Variants in GALNT12 observed in about 807,000 individuals in gnomAD.
The protein encoded by GALNT12 is polypeptide N-acetylgalactosaminyltransferase 12, also known as UDP-GalNAc:polypeptide N-acetylgalactosaminyltransferase 12.
In GALNT12, 45 loss-of-function variants were observed where a neutral mutation model predicts 55.5. The ratio of observed to expected loss-of-function variants is 0.81; its 90% CI spans 0.64 to 1.04. The LOEUF (loss-of-function observed/expected upper bound fraction) is 1.04. Ranked by LOEUF, GALNT12 falls within the 50% of genes least tolerant of loss-of-function variation. The probability of loss-of-function intolerance (pLI) is 0.00; values close to 1 mark genes in which losing one functional copy is unlikely to be tolerated. For missense variants in GALNT12, 709 were observed against 754.8 expected (o/e 0.94, Z 0.71); for synonymous variants, 304 against 312.2 (o/e 0.97, Z 0.28).
In GALNT12 at chr9:98,826,854, G is replaced by A; in HGVS notation, c.644G>A (p.Gly215Glu). 6.2e-7 allele frequency: 1 copy of A among 1,607,074 alleles called. No individual in the cohort carries two copies. ...GGCCTGGTGCGAGCCCGGCTGCTGGGGGCGTCTGCGGCGAGGGGCGATGTT... is the reference window on the plus strand; with the variant it reads ...GGCCTGGTGCGAGCCCGGCTGCTGGAGGCGTCTGCGGCGAGGGGCGATGTT... The part of the protein sequence containing the change: ...REGLVRARLL[G>E]ASAARGDVLT... Residue 215 changes from glycine to glutamate, a missense_variant, in exon 3 of 10, where the codon GGG (glycine) becomes GAG (glutamate). By Grantham distance (98) the Gly-to-Glu change is moderately conservative (BLOSUM62 -2). Transcript: ENST00000375011.
At chr9:98,816,021 A>G (rs1366608608) in intron 1 of GALNT12, among the ~76,000 whole-genome samples, 1 of 152,242 alleles carries the variant, frequency 6.6e-6, no homozygotes, top group Non-Finnish European at 1.5e-5. Flanking sequence ...TGTTATTACC[A>G]GGTAAAGTAC....
chr9:98,827,155 G>A (rs377028025), intron 3 of GALNT12, among the ~76,000 whole-genome samples: 2 of 152,182 alleles, frequency 1.3e-5, no homozygotes, highest in African/African-American at 4.8e-5. Flanking sequence ...AGCTGGAGAA[G>A]GCCCTGTGTC....
chr9:98,843,889 A>G (rs1333670265), intron 7 of GALNT12, among the ~76,000 whole-genome samples: 1 of 152,214 alleles, frequency 6.6e-6, no homozygotes, highest in Non-Finnish European at 1.5e-5. Context: ...CAGGCTTATC[A>G]ACTTAAAATA....
At chr9:98,835,396 G>A (rs1836117598) in intron 5 of GALNT12, 30 bp downstream of exon 5, 5 of 1,307,244 alleles carry the variant, frequency 3.8e-6, no homozygotes, top group Non-Finnish European at 5.6e-6. Flanking sequence ...CTTTGGACAT[G>A]TTCTTAACTG....
chr9:98,826,620 G>A lies in GALNT12; in HGVS notation c.542-132G>A, dbSNP rs540516472. ...TGGGTGAGGTAAGGATGTCCCAGGT[G>A]GCAGAGCAAAGGAGGCTCCTGTCTA... On this transcript the variant is annotated intron_variant, in intron 2 of 9. Coordinates refer to ENST00000375011, the MANE Select transcript of GALNT12 (RefSeq NM_024642.5). 61 of 899,724 alleles carry A rather than the reference G, an allele frequency of 6.8e-5. No homozygotes were observed. The South Asian group carries it at 8.1e-4, about 12-fold the overall frequency. 55.7% of individuals were successfully genotyped at this position (899,724 alleles called of 1,614,324 possible). A position where few individuals can be genotyped will look rare whatever the true frequency, so the allele number is the denominator to read the frequency against.
chr9:98,837,208 G>A (rs1483165333), intron 6 of GALNT12, 60 bp downstream of exon 6: 10 of 1,535,922 alleles, frequency 6.5e-6, no homozygotes, highest in Middle Eastern at 3.4e-4. Context: ...GCAGCTAATC[G>A]TGGCTTCCCC....
At chr9:98,809,517 G>A (rs991394133) in intron 1 of GALNT12, among the ~76,000 whole-genome samples, 1 of 152,174 alleles carries the variant, frequency 6.6e-6, no homozygotes, top group Admixed American at 6.5e-5. Context: ...GTGATCTCTG[G>A]CAAGCTGCTT....
intron 8 of GALNT12, 110 bp from the exon 9 acceptor site, chr9:98,845,867 G>A (rs1180881220): frequency 4.3e-6 from 5 of 1,156,402 alleles, no homozygotes; most frequent in Non-Finnish European, 6.4e-6. Context: ...GGTGACGCAG[G>A]TGCATGACCC....
In GALNT12 at chr9:98,827,002, A is replaced by G. The variant is rs1482710653; in HGVS notation, c.731+61A>G. 5 of 1,512,726 alleles carry G rather than the reference A, an allele frequency of 3.3e-6. No homozygotes were observed. In the East Asian group the frequency reaches 7.4e-5, roughly 22 times the overall value. The allele number at this position is 1,512,726 out of a possible 1,614,324, so 93.7% of individuals were successfully genotyped here. A position where few individuals can be genotyped will look rare whatever the true frequency, so the allele number is the denominator to read the frequency against. ...TTACCTGGAGTAGGTAGCATGAGGA[A>G]CAGACTCATCACGTCACTTGAGGGT... On this transcript the variant is annotated intron_variant, in intron 3 of 9. Coordinates refer to ENST00000375011, the MANE Select transcript of GALNT12 (RefSeq NM_024642.5).
intron 1 of GALNT12, among the ~76,000 whole-genome samples, chr9:98,823,052 A>G (rs1042682860): frequency 5.9e-5 from 9 of 152,176 alleles, no homozygotes; most frequent in Non-Finnish European, 1.0e-4. Flanking sequence ...AATATCCCAC[A>G]GTAAAAGCTA....
intron 8 of GALNT12, chr9:98,844,456 T>G: frequency 4.1e-6 from 2 of 485,856 alleles, no homozygotes; most frequent in Non-Finnish European, 7.4e-6. Context: ...ATTCCATTAT[T>G]TCCATTCCCT....
chr9:98,844,271 A>G, intron 8 of GALNT12, 62 bp downstream of exon 8: 1 of 1,110,710 alleles, frequency 9.0e-7, no homozygotes, highest in South Asian at 1.3e-5. Context: ...TAAATAGTTG[A>G]ATTTTTTTCT....
At chr9:98,812,362 G>A (rs1835514180) in intron 1 of GALNT12, among the ~76,000 whole-genome samples, 2 of 152,142 alleles carry the variant, frequency 1.3e-5, no homozygotes, top group Admixed American at 1.3e-4. Flanking sequence ...AGGCCGAGGT[G>A]GGTGGATCAC....
chr9:98,849,076 A>G lies in GALNT12; in HGVS notation c.1730A>G (p.Lys577Arg). The G allele has an allele frequency of 6.2e-7, 1 of 1,614,202 alleles. No individual in the cohort carries two copies. Among genetic ancestry groups the G allele is most frequent in the Non-Finnish European group, 8.5e-7 (1 of 1,180,026 alleles). ...TNSDHQKWFF[K>R]ERML is the part of the protein sequence containing the mutation. ...TCGGATCATCAGAAATGGTTCTTCA[A>G]AGAGCGCATGTTATGAAGCCTCGTG... The change falls in exon 10 of 10, where the codon AAA (lysine) becomes AGA (arginine). Residue 577 changes from lysine (K) to arginine (R), a missense_variant. Physicochemically the swap from Lys to Arg is conservative, Grantham distance 26. Around this residue, in one of 5 missense-constraint regions of GALNT12, gnomAD observed 262 missense variants for 310.7 expected, o/e 0.84. Coordinates refer to ENST00000375011, the MANE Select transcript of GALNT12 (RefSeq NM_024642.5).
intron 4 of GALNT12, among the ~76,000 whole-genome samples, chr9:98,833,624 A>T (rs977110436): frequency 6.6e-6 from 1 of 152,116 alleles, no homozygotes; most frequent in African/African-American, 2.4e-5. Flanking sequence ...GATTCCAGAG[A>T]TGTTAAGATG....
chr9:98,823,460 CCTT>C, intron 2 of GALNT12, 35 bp downstream of exon 2: 2 of 1,586,738 alleles, frequency 1.3e-6, no homozygotes, highest in East Asian at 2.2e-5. Flanking sequence ...AAGAGCCTGT[CCTT>C]CTGTAGCAGT....
At chr9:98,820,252 A>AC (rs1317372481) in intron 1 of GALNT12, among the ~76,000 whole-genome samples, 1 of 151,134 alleles carries the variant, frequency 6.6e-6, no homozygotes, top group Non-Finnish European at 1.5e-5. Flanking sequence ...CCCTCCTCCC[A>AC]CCCCCGACGA....
intron 9 of GALNT12, among the ~76,000 whole-genome samples, chr9:98,847,811 C>CTTTTTTT (rs754967420): frequency 1.6e-5 from 2 of 123,064 alleles, no homozygotes. Context: ...AGGGCTGGAT[C>CTTTTTTT]TTTTTTTTTT....
At chr9:98,813,654 C>T (rs1042499923) in intron 1 of GALNT12, among the ~76,000 whole-genome samples, 1 of 152,140 alleles carries the variant, frequency 6.6e-6, no homozygotes, top group African/African-American at 2.4e-5. Context: ...CGCCTGCCAC[C>T]ATGCCCTGCT....
Sources: gnomAD v4.1 joint callset for allele counts (sites outside exome capture counted in the v4.1 genomes callset) on GRCh38, gnomAD v4.1.1 for gene constraint, gnomAD v4.1.1 regional missense constraint, MANE v1.5 for transcripts, NCBI Gene and HGNC (gene_info 2026-07-23, HGNC 2026-07-21) for gene names.